ZSCAN10: variants seen among roughly 807,000 people sequenced by gnomAD.
ZSCAN10 encodes the protein zinc finger and SCAN domain-containing protein 10.
ZSCAN10 carries 52 observed loss-of-function variants against 63.7 expected under a neutral mutation model. The observed-to-expected ratio is 0.82, with a 90% CI of 0.65 to 1.03. The LOEUF is 1.03. ZSCAN10 is among the 50% of genes least tolerant of loss of function. The pLI, the probability that ZSCAN10 is intolerant of heterozygous loss-of-function variation, is 0.00. For missense variants in ZSCAN10, 1,223 were observed against 1,103.8 expected, an observed-to-expected ratio of 1.11 and a Z score of -1.53; for synonymous variants, 544 against 479.6, an observed-to-expected ratio of 1.13 and a Z score of -1.76.
chr16:3,097,456 T>C (rs554971627), intron 1 of ZSCAN10, among the ~76,000 whole-genome samples: 11 of 152,238 alleles, frequency 7.2e-5, no homozygotes, highest in African/African-American at 2.6e-4. Flanking sequence ...CATCCAGGTG[T>C]TGAGGGGCTT....
Position 3,091,769 on chromosome 16 carries a change from C to T in ZSCAN10, c.724G>A (p.Val242Met). Residue 242 changes from valine to methionine, a missense_variant, in exon 4 of 6, where the codon GTG (valine) becomes ATG (methionine). Transcript: ENST00000576985. ...ESSRDQELAA[V>M]LECLTFEDVP... is the part of the protein sequence containing the mutation. Reference sequence around the variant, plus strand: ...TGGGGTGCGGCCCAGCTCACCAGCACAGCCGCCAGCTCCTGATCTCGGGAA... The same window carrying T: ...TGGGGTGCGGCCCAGCTCACCAGCATAGCCGCCAGCTCCTGATCTCGGGAA... The T allele has an allele frequency of 6.4e-7, 1 of 1,571,910 alleles. No individual in the cohort carries two copies. Among genetic ancestry groups the T allele is most frequent in the South Asian group, 1.2e-5 (1 of 86,288 alleles).
At chr16:3,093,567 C>G (rs1179948103) in intron 1 of ZSCAN10, among the ~76,000 whole-genome samples, 1 of 151,650 alleles carries the variant, frequency 6.6e-6, no homozygotes, top group African/African-American at 2.4e-5. Flanking sequence ...ATTAAAGTGA[C>G]CATCCCTGAA....
intron 4 of ZSCAN10, 52 bp from the exon 5 acceptor site, chr16:3,091,649 T>A (rs1368188969): frequency 6.2e-7 from 1 of 1,611,728 alleles, no homozygotes. Flanking sequence ...CTCAGGAACC[T>A]GTGGGGACTG....
Position 3,089,120 on chromosome 16 carries a change from G to C in ZSCAN10, c.2314C>G (p.Arg772Gly), listed in dbSNP as rs768699536. The change falls in exon 6 of 6, where the codon CGC becomes GGC. Residue 772 changes from arginine (R) to glycine (G), a missense_variant. Arg to Gly is a moderately radical substitution (Grantham distance 125). Transcript: ENST00000576985. The stretch of plus-strand genomic sequence containing the variant: ...TACAGCGTCTCGCGGGCGTGGGTGC[G>C]CAGGTGGCGCAGCAGGTGGGAGTTG... ...SRNSHLLRHL[R>G]THARETLY 2.0e-6 allele frequency: 3 copies of C among 1,517,316 alleles called. No homozygotes were observed. The highest frequency in any genetic ancestry group is 2.6e-6 in the Non-Finnish European group (3 of 1,143,858). 94.0% of individuals were successfully genotyped at this position (1,517,316 alleles called of 1,614,324 possible). A position where few individuals can be genotyped will look rare whatever the true frequency, so the allele number is the denominator to read the frequency against.
At chr16:3,093,349 A>G (rs1957112162) in intron 1 of ZSCAN10, 2 of 154,156 alleles carry the variant, frequency 1.3e-5, no homozygotes, top group African/African-American at 4.8e-5. Context: ...AACGCGGTGA[A>G]ATCCCGTCTC....
chr16:3,090,446 A>T lies in ZSCAN10; in HGVS notation c.988T>A (p.Leu330Met). 6.2e-7 allele frequency: 1 copy of T among 1,613,780 alleles called. No homozygotes were observed. The highest frequency in any genetic ancestry group is 1.1e-5 in the South Asian group (1 of 91,074). ...DGSLLGSSEILEVKVAEGVPE... is the reference protein window; with the variant it reads ...DGSLLGSSEIMEVKVAEGVPE... ...ACGCCCTCAGCCACTTTGACCTCCA[A>T]AATTTCACTGCTGCCAAGAAGGGAC... The change falls in exon 6 of 6, where the codon TTG (leucine) becomes ATG (methionine). Residue 330 changes from leucine (L) to methionine (M), a missense_variant. Physicochemically the swap from Leu to Met is conservative, Grantham distance 15. Coordinates refer to ENST00000576985, the MANE Select transcript of ZSCAN10 (RefSeq NM_032805.3).
At chr16:3,093,548 T>C (rs1251052059) in intron 1 of ZSCAN10, among the ~76,000 whole-genome samples, 2 of 151,642 alleles carry the variant, frequency 1.3e-5, no homozygotes, top group African/African-American at 4.9e-5. Flanking sequence ...GCATCACTTT[T>C]CCCAAGTGAT....
chr16:3,091,612 G>A lies in ZSCAN10; in HGVS notation c.730-15C>T. On this transcript the variant is annotated splice_polypyrimidine_tract_variant and intron_variant, in intron 4 of 5. Coordinates refer to ENST00000576985, the MANE Select transcript of ZSCAN10 (RefSeq NM_032805.3). Reference sequence around the variant, plus strand: ...GTCAGGCACTCCTGTATCAAGAGCAGAAACCCTTGGTGAGTGAGGAACATG... The same window carrying A: ...GTCAGGCACTCCTGTATCAAGAGCAAAAACCCTTGGTGAGTGAGGAACATG... The A allele has an allele frequency of 1.2e-6, 2 of 1,614,202 alleles. No individual in the cohort carries two copies. The highest frequency in any genetic ancestry group is 1.7e-6 in the Non-Finnish European group (2 of 1,180,016).
rs1957044357 is a variant in ZSCAN10 at position 3,089,895 on chromosome 16, G to C, written c.1539C>G (p.Arg513=). 1 of 1,535,196 alleles carries C rather than the reference G, an allele frequency of 6.5e-7. No individual in the cohort carries two copies. The highest frequency in any genetic ancestry group is 1.4e-5 in the African/African-American group (1 of 72,966). The change falls in exon 6 of 6, where the codon CGC becomes CGG. Residue 513 remains arginine, a synonymous_variant. Transcript: ENST00000576985. ...DRRSSEGSGS[R]RRDSDRRPFV... The stretch of plus-strand genomic sequence containing the variant: ...AGGGCCTCCGGTCGGAGTCCCGGCG[G>C]CGGCTGCCGGAGCCTTCGGAGGACC...
Position 3,090,273 on chromosome 16 carries a change from G to GCGGCCGAAGCTCTCC in ZSCAN10, c.1160_1161insGGAGAGCTTCGGCCG (p.Arg387_Ser388insGluSerPheGlyArg). ...GCATGTGCAGCTTGAGAATGGAGCT[G>GCGGCCGAAGCTCTCC]CGGCCGAAGCTCTTCCCGCAGCAAA... On this transcript the variant is annotated inframe_insertion, in exon 6 of 6. Coordinates refer to ENST00000576985, the MANE Select transcript of ZSCAN10 (RefSeq NM_032805.3). 7 of 1,608,746 alleles carry GCGGCCGAAGCTCTCC rather than the reference G, an allele frequency of 4.4e-6. No homozygotes were observed. Among genetic ancestry groups the GCGGCCGAAGCTCTCC allele is most frequent in the Non-Finnish European group, 4.2e-6 (5 of 1,179,336 alleles).
intron 1 of ZSCAN10, among the ~76,000 whole-genome samples, chr16:3,096,112 C>A (rs999664582): frequency 4.6e-5 from 7 of 152,202 alleles, no homozygotes; most frequent in African/African-American, 1.7e-4. Flanking sequence ...GTCTGGTAGC[C>A]CAGTACTACC....
At position 3,090,133 on chromosome 16, in the gene ZSCAN10, C is replaced by T. The variant is rs1290383536; in HGVS notation, c.1301G>A (p.Cys434Tyr). 6.2e-7 allele frequency: 1 copy of T among 1,600,464 alleles called. No homozygotes were observed. The change falls in exon 6 of 6, where the codon TGC (cysteine) becomes TAC (tyrosine). Residue 434 changes from cysteine (C) to tyrosine (Y), a missense_variant. Coordinates refer to ENST00000576985, the MANE Select transcript of ZSCAN10 (RefSeq NM_032805.3). Reference sequence around the variant, plus strand: ...CTGGAAGCCGCGGCCGCACTCTGCGCACAGGAAGGCGGGTTCGGAGGAGTG... The same window carrying T: ...CTGGAAGCCGCGGCCGCACTCTGCGTACAGGAAGGCGGGTTCGGAGGAGTG... Reference protein sequence around the residue: ...LTHSSEPAFLCAECGRGFQRR... With the variant: ...LTHSSEPAFLYAECGRGFQRR...
In ZSCAN10 at chr16:3,090,106, C is replaced by T. The variant is rs1411725527; in HGVS notation, c.1328G>A (p.Arg443His). Residue 443 changes from arginine to histidine, a missense_variant, in exon 6 of 6, where the codon CGC (arginine) becomes CAC (histidine). By Grantham distance (29) the Arg-to-His change is conservative. Coordinates refer to ENST00000576985, the MANE Select transcript of ZSCAN10 (RefSeq NM_032805.3). ...LCAECGRGFQRRASLVQHLLA... is the reference protein window; with the variant it reads ...LCAECGRGFQHRASLVQHLLA... The stretch of plus-strand genomic sequence containing the variant: ...CAGGTGCTGCACAAGGCTGGCGCGG[C>T]GCTGGAAGCCGCGGCCGCACTCTGC... 1.9e-6 allele frequency: 3 copies of T among 1,601,230 alleles called. No individual in the cohort carries two copies. The highest frequency in any genetic ancestry group is 3.4e-5 in the Admixed American group (2 of 59,314).
Position 3,092,205 on chromosome 16 carries a change from C to T in ZSCAN10, c.508G>A (p.Glu170Lys), listed in dbSNP as rs1022557252. 6.2e-7 allele frequency: 1 copy of T among 1,612,662 alleles called. No individual in the cohort carries two copies. Among genetic ancestry groups the T allele is most frequent in the Non-Finnish European group, 8.5e-7 (1 of 1,180,024 alleles). Reference sequence around the variant, plus strand: ...GATGGGCCCAGCACTGAAGGCTCTTCCGCAGGCAATTCCTTCTTGGGGCTG... The same window carrying T: ...GATGGGCCCAGCACTGAAGGCTCTTTCGCAGGCAATTCCTTCTTGGGGCTG... ...SHSPKKELPAEEPSVLGPSDE... is the reference protein window; with the variant it reads ...SHSPKKELPAKEPSVLGPSDE... The change falls in exon 3 of 6, where the codon GAA becomes AAA. Residue 170 changes from glutamate (E) to lysine (K), a missense_variant. Physicochemically the swap from Glu to Lys is moderately conservative, Grantham distance 56. Coordinates refer to ENST00000576985, the MANE Select transcript of ZSCAN10 (RefSeq NM_032805.3).
chr16:3,089,049 G>A lies in ZSCAN10; in HGVS notation c.*42C>T, dbSNP rs377718588. 567 of 1,452,586 alleles carry A rather than the reference G, an allele frequency of 3.9e-4. 8 individuals are homozygous for A. The South Asian group carries it at 6.7e-3, about 17-fold the overall frequency. 90.0% of individuals were successfully genotyped at this position (1,452,586 alleles called of 1,614,324 possible). A position where few individuals can be genotyped will look rare whatever the true frequency, so the allele number is the denominator to read the frequency against. On this transcript the variant is annotated 3_prime_UTR_variant, in exon 6 of 6. Coordinates refer to ENST00000576985, the MANE Select transcript of ZSCAN10 (RefSeq NM_032805.3). ...GCAGGCCTCCGCTGTGGAGGACCCC[G>A]GGTAGGTGGCGCAGGGCGCGGCTGG...
Position 3,092,627 on chromosome 16 carries a change from A to T in ZSCAN10, c.311T>A (p.Leu104Gln). 1 of 1,607,522 alleles carries T rather than the reference A, an allele frequency of 6.2e-7. No homozygotes were observed. The highest frequency in any genetic ancestry group is 8.5e-7 in the Non-Finnish European group (1 of 1,177,618). ...CCCATCCCTGAGCGGCTGCCCCTGC[A>T]GGCGGCCCAGGAGGTGCGGAGGCAG... ...SVLPPHLLGR[L>Q]QGQPLRDGEE... The change falls in exon 2 of 6, where the codon CTG (leucine) becomes CAG (glutamine). Residue 104 changes from leucine (L) to glutamine (Q), a missense_variant. Coordinates refer to ENST00000576985, the MANE Select transcript of ZSCAN10 (RefSeq NM_032805.3).
Position 3,090,016 on chromosome 16 carries a change from A to G in ZSCAN10, c.1418T>C (p.Leu473Pro), listed in dbSNP as rs1957046941. The G allele has an allele frequency of 4.4e-6, 7 of 1,575,932 alleles. 1 individual carries two copies. In the East Asian group the frequency reaches 1.4e-4, roughly 32 times the overall value. Residue 473 changes from leucine to proline, a missense_variant, in exon 6 of 6, where the codon CTG becomes CCG. Leu to Pro is a moderately conservative substitution (Grantham distance 98). Coordinates refer to ENST00000576985, the MANE Select transcript of ZSCAN10 (RefSeq NM_032805.3). ...APESKAEAPP[L>P]TDVLCSHCGQ... Reference sequence around the variant, plus strand: ...GCAGTGGGAGCACAGGACATCGGTCAGTGGCGGCGCTTCGGCCTTACTCTC... The same window carrying G: ...GCAGTGGGAGCACAGGACATCGGTCGGTGGCGGCGCTTCGGCCTTACTCTC...
chr16:3,094,317 A>T (rs544280393), intron 1 of ZSCAN10, among the ~76,000 whole-genome samples: 1 of 152,230 alleles, frequency 6.6e-6, no homozygotes, highest in African/African-American at 2.4e-5. Context: ...CCTAGCCCAA[A>T]AATACCTAAT....
rs573157393 is a variant in ZSCAN10, at chr16:3,097,620, G to A, written c.-68+1570C>T. ...CCGGAACTACGCTTTCCTGCCCTCT[G>A]GCATCCACTCCAGGCAGCCCCCATC... On this transcript the variant is annotated intron_variant, in intron 1 of 5. Transcript: ENST00000576985. Among the ~76,000 whole-genome samples the A allele has an allele frequency of 3.5e-4, 53 of 152,228 alleles. 2 individuals carry two copies. In the South Asian group the frequency reaches 7.7e-3, roughly 22 times the overall value.
Sources: allele counts gnomAD v4.1 joint callset (sites outside exome capture counted in the v4.1 genomes callset), GRCh38; gene constraint gnomAD v4.1.1; transcripts MANE v1.5; gene names NCBI Gene and HGNC (gene_info 2026-07-23, HGNC 2026-07-21).